The following TEX9 variants were observed in gnomAD, a reference collection of about 807,000 sequenced individuals.
TEX9 encodes the protein testis expressed 9, also known as testis-expressed protein 9.
TEX9 carries 74 observed loss-of-function variants against 59.6 expected under a neutral mutation model. That is an observed-to-expected ratio of 1.24 (90% CI 1.03 to 1.51). The LOEUF is 1.51. Ranked by LOEUF, TEX9 falls within the 40% of genes most tolerant of loss-of-function variation. The pLI is 0.00. For synonymous variants in TEX9, 186 were observed against 152.2 expected (o/e 1.22, Z -1.64); for missense variants, 522 against 447.8 (o/e 1.17, Z -1.49).
At chr15:56,316,628 G>A (rs1450409259) in intron 1 of TEX9, among the ~76,000 whole-genome samples, 1 of 152,160 alleles carries the variant, frequency 6.6e-6, no homozygotes, top group African/African-American at 2.4e-5. Context: ...GCCCCCAGAG[G>A]TGGAGCCTAC....
chr15:56,458,223 A>G, the TEX9 span, among the ~76,000 whole-genome samples: 1 of 152,180 alleles, frequency 6.6e-6, no homozygotes, highest in African/African-American at 2.4e-5. Flanking sequence ...ACAATTCACA[A>G]TTCAGTGATG....
chr15:56,426,638 A>AACAC (rs142167770), intron 10 of TEX9, among the ~76,000 whole-genome samples: 1 of 78,184 alleles, frequency 1.3e-5, no homozygotes, highest in Non-Finnish European at 2.7e-5. Flanking sequence ...CACACACACA[A>AACAC]ACACACACAC....
intron 1 of TEX9, among the ~76,000 whole-genome samples, chr15:56,346,121 A>T (rs1359267954): frequency 6.6e-6 from 1 of 152,188 alleles, no homozygotes; most frequent in Admixed American, 6.5e-5. Flanking sequence ...GATCTAACCA[A>T]CCACAATAAA....
At chr15:56,377,263 T>A (rs996790891) in intron 3 of TEX9, among the ~76,000 whole-genome samples, 11 of 152,202 alleles carry the variant, frequency 7.2e-5, no homozygotes, top group South Asian at 4.1e-4. Flanking sequence ...CATATAAATT[T>A]TAGGATTGTT....
intron 10 of TEX9, among the ~76,000 whole-genome samples, chr15:56,412,784 A>G (rs1429656508): frequency 1.3e-5 from 2 of 152,158 alleles, no homozygotes; most frequent in Non-Finnish European, 2.9e-5. Context: ...TCTGAACCTC[A>G]GTTTTCTAAT....
intron 12 of TEX9, chr15:56,445,600 A>C (rs1280539147): frequency 6.6e-6 from 1 of 152,046 alleles, no homozygotes; most frequent in Non-Finnish European, 1.5e-5. Context: ...CTTTATTAAA[A>C]AATGAGATGA....
chr15:56,424,629 T>A (rs1272423271), intron 10 of TEX9, among the ~76,000 whole-genome samples: 1 of 152,160 alleles, frequency 6.6e-6, no homozygotes, highest in Non-Finnish European at 1.5e-5. Context: ...ATATAAAGAC[T>A]CTACTCCTTT....
At chr15:56,388,354 T>A in intron 4 of TEX9, 118 bp from the exon 5 acceptor site, 1 of 756,560 alleles carries the variant, frequency 1.3e-6, no homozygotes, top group Admixed American at 2.5e-5. Context: ...TAACTAGAAT[T>A]ATAGCAAAGT....
At chr15:56,270,359 G>C (rs1361511116) in intron 1 of TEX9, among the ~76,000 whole-genome samples, 1 of 152,142 alleles carries the variant, frequency 6.6e-6, no homozygotes, top group African/African-American at 2.4e-5. Flanking sequence ...ATTTAGGATA[G>C]TTAGCTCTTC....
chr15:56,363,268 CTT>C (rs749991135), upstream of TEX9, among the ~76,000 whole-genome samples: 14 of 142,732 alleles, frequency 9.8e-5, no homozygotes, highest in Admixed American at 2.8e-4. Flanking sequence ...ATTGTCCATC[CTT>C]TTTTTTTTTT....
At chr15:56,256,360 A>G (rs2044144780) in intron 1 of TEX9, among the ~76,000 whole-genome samples, 2 of 152,092 alleles carry the variant, frequency 1.3e-5, no homozygotes, top group South Asian at 4.1e-4. Flanking sequence ...TTTAACTGCA[A>G]CAATAAGAAT....
chr15:56,356,018 G>A (rs1400481007), intron 1 of TEX9, among the ~76,000 whole-genome samples: 1 of 151,844 alleles, frequency 6.6e-6, no homozygotes, highest in Admixed American at 6.6e-5. Flanking sequence ...TGCTAAACTC[G>A]CCAACTACTT....
At chr15:56,325,565 TG>T (rs1182487333) in intron 1 of TEX9, among the ~76,000 whole-genome samples, 1 of 152,164 alleles carries the variant, frequency 6.6e-6, no homozygotes, top group Non-Finnish European at 1.5e-5. Flanking sequence ...TTATCAAAAT[TG>T]GGGGATCCAA....
At chr15:56,260,799 AAAGAGGTT>A (rs2044248339) in intron 1 of TEX9, among the ~76,000 whole-genome samples, 1 of 151,998 alleles carries the variant, frequency 6.6e-6, no homozygotes, top group South Asian at 2.1e-4. Flanking sequence ...TTCTTTCCTG[AAAGAGGTT>A]ATGTAGGATT....
chr15:56,421,721 G>A (rs1201757689), intron 10 of TEX9: 2 of 151,472 alleles, frequency 1.3e-5, no homozygotes, highest in African/African-American at 4.9e-5. Flanking sequence ...GCGGTGTTTG[G>A]TTTTTTGTTC....
intron 1 of TEX9, among the ~76,000 whole-genome samples, chr15:56,336,966 C>T (rs2046268688): frequency 6.6e-6 from 1 of 152,154 alleles, no homozygotes; most frequent in Non-Finnish European, 1.5e-5. Flanking sequence ...AGTACTTTAA[C>T]CCTGAAGAGG....
chr15:56,334,003 GAAATTGAAGAGGACACA>G (rs1567089499), intron 1 of TEX9, among the ~76,000 whole-genome samples: 2 of 152,000 alleles, frequency 1.3e-5, no homozygotes, highest in Non-Finnish European at 2.9e-5. Context: ...ACTGATACAA[GAAATTGAAGAGGACACA>G]AAAAATGGAA....
In TEX9 at chr15:56,382,943, C is replaced by T. The variant is rs370584366; in HGVS notation, c.184-1009C>T. On this transcript the variant is annotated intron_variant, in intron 3 of 12. Coordinates refer to ENST00000352903, the Ensembl canonical transcript of TEX9. ...CCTAGTCCTCTGGCTCTGAGTCAAG[C>T]CCAGCACTAGGATTTGCCTAGAAAA... Among the ~76,000 whole-genome samples, 33 of 152,212 alleles carry T rather than the reference C, an allele frequency of 2.2e-4. 1 individual carries two copies. In the South Asian group the frequency reaches 5.4e-3, roughly 25 times the overall value.
At chr15:56,366,903 GGGCC>G (rs1242219524) in intron 2 of TEX9, among the ~76,000 whole-genome samples, 3 of 152,152 alleles carry the variant, frequency 2.0e-5, no homozygotes, top group Admixed American at 6.5e-5. Flanking sequence ...CTGATGAAAT[GGGCC>G]GATTATCCCA....
Sources: allele counts gnomAD v4.1 joint callset (sites outside exome capture counted in the v4.1 genomes callset), GRCh38; gene constraint gnomAD v4.1.1; transcripts MANE v1.5; gene names NCBI Gene and HGNC (gene_info 2026-07-23, HGNC 2026-07-21).